The following DALRD3 variants were observed in gnomAD, a reference collection of about 807,000 sequenced individuals.
DALRD3 encodes DALR anticodon-binding domain-containing protein 3.
DALRD3 carries 47 observed loss-of-function variants against 56.7 expected under a neutral mutation model. The ratio of observed to expected loss-of-function variants is 0.83; its 90% CI spans 0.66 to 1.06. DALRD3 has a LOEUF of 1.06. Ranked by LOEUF, DALRD3 falls within the 50% of genes least tolerant of loss-of-function variation. The pLI is 0.00. For synonymous variants in DALRD3, 347 were observed against 308.5 expected (o/e 1.12, Z -1.31); for missense variants, 787 against 724.0 (o/e 1.09, Z -1.00).
At chr3:49,017,056 C>G in intron 5 of DALRD3, 172 bp downstream of exon 5, 1 of 987,128 alleles carries the variant, frequency 1.0e-6, no homozygotes, top group Non-Finnish European at 1.5e-6. Context: ...TGTCTACAGA[C>G]CCCCCTTCCC....
intron 3 of DALRD3, 42 bp from the exon 4 acceptor site, chr3:49,017,555 G>C: frequency 6.2e-7 from 1 of 1,614,162 alleles, no homozygotes; most frequent in Non-Finnish European, 8.5e-7. Context: ...ACAAGAAGCA[G>C]AGATGTGCCC....
intron 1 of DALRD3, 40 bp from the exon 2 acceptor site, chr3:49,018,358 G>T (rs985099019): frequency 6.6e-7 from 1 of 1,522,094 alleles, no homozygotes. Context: ...ACGGCACGGG[G>T]CCCATCTCCC....
chr3:49,020,840 G>T (rs568565148), upstream of DALRD3: 2 of 337,936 alleles, frequency 5.9e-6, no homozygotes, highest in East Asian at 1.6e-4. Flanking sequence ...GGAACAAGAC[G>T]CTCACCTGGG....
chr3:49,015,770 C>A (rs1379882308), intron 11 of DALRD3, 34 bp downstream of exon 11: 1 of 1,614,114 alleles, frequency 6.2e-7, no homozygotes, highest in Admixed American at 1.7e-5. Context: ...CTATACCTCT[C>A]TGCACGTCCC....
rs931981841 is a variant in DALRD3 at position 49,017,473 on chromosome 3, C to G, written c.759G>C (p.Glu253Asp). 1.2e-6 allele frequency: 2 copies of G among 1,614,008 alleles called. No individual in the cohort carries two copies. Among genetic ancestry groups the G allele is most frequent in the Non-Finnish European group, 8.5e-7 (1 of 1,180,058 alleles). The change falls in exon 4 of 12, where the codon GAG (glutamate) becomes GAC (aspartate). Residue 253 changes from glutamate (E) to aspartate (D), a missense_variant. Coordinates refer to ENST00000341949, the MANE Select transcript of DALRD3 (RefSeq NM_001009996.3). ...TGTCCTCGGGCCAATGCCATAGAGC[C>G]TCTTGCAGCTCAGCCAGCACAGAGA... is the stretch of plus-strand genomic sequence containing the variant. ...DLLSVLAELQ[E>D]ALWHWPEDSH...
chr3:49,017,097 C>G, intron 5 of DALRD3, 131 bp downstream of exon 5: 1 of 1,341,144 alleles, frequency 7.5e-7, no homozygotes, highest in Non-Finnish European at 1.0e-6. Flanking sequence ...TACATGCCCT[C>G]TCAAGTCCAG....
intron 5 of DALRD3, 111 bp downstream of exon 5, chr3:49,017,117 C>CA: frequency 6.7e-7 from 1 of 1,494,976 alleles, no homozygotes; most frequent in Non-Finnish European, 9.2e-7. Context: ...GCAACTCCCC[C>CA]AAGGTCAAGT....
At chr3:49,020,046 T>C, upstream of DALRD3, 1 of 502,696 alleles carries the variant, frequency 2.0e-6, no homozygotes, top group Non-Finnish European at 4.0e-6. Context: ...GCTAACTCAG[T>C]AGAGAGAGTT....
chr3:49,017,613 C>G lies in DALRD3; in HGVS notation c.718G>C (p.Val240Leu). The change falls in exon 3 of 12, where the codon GTG becomes CTG. Residue 240 changes from valine (V) to leucine (L), a missense_variant and splice_region_variant. By Grantham distance (32) the Val-to-Leu change is conservative. Transcript: ENST00000341949. ...GYDPNLDNCL[V>L]TEDLLSVLAE... is the part of the protein sequence containing the mutation. Reference sequence around the variant, plus strand: ...GGCCCTGCTAGGCTTCAGGTCCTACCCAGACAGTTGTCCAGGTTGGGGTCA... The same window carrying G: ...GGCCCTGCTAGGCTTCAGGTCCTACGCAGACAGTTGTCCAGGTTGGGGTCA... 6.2e-7 allele frequency: 1 copy of G among 1,614,186 alleles called. No individual in the cohort carries two copies. The highest frequency in any genetic ancestry group is 8.5e-7 in the Non-Finnish European group (1 of 1,180,016).
intron 2 of DALRD3, 77 bp from the exon 3 acceptor site, chr3:49,017,946 C>T (rs897066104): frequency 6.6e-7 from 1 of 1,518,862 alleles, no homozygotes; most frequent in Non-Finnish European, 8.8e-7. Flanking sequence ...AGCCGCAGTC[C>T]CCACGGGCGG....
At position 49,016,265 on chromosome 3, in the gene DALRD3, C is replaced by T; in HGVS notation, c.1222G>A (p.Ala408Thr). 3.1e-6 allele frequency: 5 copies of T among 1,613,964 alleles called. No homozygotes were observed. Among genetic ancestry groups the T allele is most frequent in the Non-Finnish European group, 4.2e-6 (5 of 1,179,910 alleles). Residue 408 changes from alanine (A) to threonine (T), a missense_variant, in exon 9 of 12, where the codon GCC becomes ACC. Ala to Thr is a moderately conservative substitution (Grantham distance 58). Transcript: ENST00000341949. The stretch of plus-strand genomic sequence containing the variant: ...CTCTCAAAGAGTGTGGCAAGACGGG[C>T]ACAATTATACATGACAAAGGTGCCA... ...KSGTFVMYNCARLATLFESYK... is the reference protein window; with the variant it reads ...KSGTFVMYNCTRLATLFESYK...
chr3:49,017,947 C>T lies in DALRD3; in HGVS notation c.461+76G>A, dbSNP rs577338193. On this transcript the variant is annotated intron_variant, in intron 2 of 11. Transcript: ENST00000341949. ...GACTTCCCACCTCCAGCCGCAGTCC[C>T]CACGGGCGGCGCCGCTCGCTTTCTA... 1.2e-5 allele frequency: 18 copies of T among 1,515,642 alleles called. 1 individual carries two copies. In the South Asian group the frequency reaches 1.9e-4, roughly 16 times the overall value. The allele number at this position is 1,515,642 out of a possible 1,614,324, so 93.9% of individuals were successfully genotyped here.
chr3:49,017,293 C>A lies in DALRD3; in HGVS notation c.862G>T (p.Glu288Ter). The A allele has an allele frequency of 6.2e-7, 1 of 1,614,146 alleles. No individual in the cohort carries two copies. The highest frequency in any genetic ancestry group is 8.5e-7 in the Non-Finnish European group (1 of 1,179,944). The change falls in exon 5 of 12, where the codon GAG becomes TAG. Residue 288 changes from glutamate (E) to a stop codon, truncating the protein, a stop_gained. Coordinates refer to ENST00000341949, the MANE Select transcript of DALRD3 (RefSeq NM_001009996.3). LOFTEE classifies it high-confidence loss of function. ...LVVHVVSCEE[E>*]FQQQKLDLLW... ...AGGTCCAACTTCTGTTGCTGGAACT[C>A]CTCCTCACAGCTAACAACATGTACA...
chr3:49,016,400 C>A, intron 8 of DALRD3, 29 bp downstream of exon 8: 1 of 1,608,810 alleles, frequency 6.2e-7, no homozygotes, highest in Non-Finnish European at 8.5e-7. Flanking sequence ...TGTGCCCCAA[C>A]ACTGGCCCTG....
At chr3:49,020,602 G>A (rs2093146231), upstream of DALRD3, 1 of 481,100 alleles carries the variant, frequency 2.1e-6, no homozygotes, top group Non-Finnish European at 4.3e-6. Context: ...ACCCCATCTG[G>A]GCCAGGGCGC....
chr3:49,017,649 T>G lies in DALRD3; in HGVS notation c.682A>C (p.Thr228Pro). ...LKELVEEQGR[T>P]AGYDPNLDNC... ...TCCAGGTTGGGGTCATAGCCAGCTG[T>G]GCGGCCCTGTTCTTCCACCAGCTCC... The change falls in exon 3 of 12, where the codon ACA (threonine) becomes CCA (proline). Residue 228 changes from threonine (T) to proline (P), a missense_variant. Coordinates refer to ENST00000341949, the MANE Select transcript of DALRD3 (RefSeq NM_001009996.3). 6.2e-7 allele frequency: 1 copy of G among 1,614,202 alleles called. No homozygotes were observed. Among genetic ancestry groups the G allele is most frequent in the African/African-American group, 1.3e-5 (1 of 75,066 alleles).
chr3:49,017,169 AG>A, intron 5 of DALRD3, 58 bp downstream of exon 5: 1 of 1,611,048 alleles, frequency 6.2e-7, no homozygotes, highest in Non-Finnish European at 8.5e-7. Flanking sequence ...TGGGTTTTCA[AG>A]GGCCCTCTGA....
Position 49,015,802 on chromosome 3 carries a change from A to ACC in DALRD3, c.1512_1512+1dup. The ACC allele has an allele frequency of 6.2e-7, 1 of 1,613,936 alleles. No homozygotes were observed. The highest frequency in any genetic ancestry group is 8.5e-7 in the Non-Finnish European group (1 of 1,180,002). On this transcript the variant is annotated splice_donor_variant, in intron 11 of 11. Transcript: ENST00000341949. LOFTEE classifies it high-confidence loss of function. Reference sequence around the variant, plus strand: ...TCCCACCCCATTTTGCTGTGTGCTCACCCCCAGGATGTGTACCCGGTTGTA... The same window carrying ACC: ...TCCCACCCCATTTTGCTGTGTGCTCACCCCCCCAGGATGTGTACCCGGTTGTA...
Position 49,016,465 on chromosome 3 carries a change from G to C in DALRD3, c.1110C>G (p.Ile370Met). The change falls in exon 8 of 12, where the codon ATC becomes ATG. Residue 370 changes from isoleucine to methionine, a missense_variant. By Grantham distance (10) the Ile-to-Met change is conservative. Transcript: ENST00000341949. The part of the protein sequence containing the change: ...EIFGVLSVAT[I>M]KFEMLSTAPQ... The stretch of plus-strand genomic sequence containing the variant: ...GGGCTGTGCTCAGCATCTCAAACTT[G>C]ATGGTGGCCACAGAGAGAACACCAA... 1 of 1,614,074 alleles carries C rather than the reference G, an allele frequency of 6.2e-7. No homozygotes were observed. Among genetic ancestry groups the C allele is most frequent in the Non-Finnish European group, 8.5e-7 (1 of 1,180,000 alleles).
Sources: allele counts gnomAD v4.1 joint callset, GRCh38; gene constraint gnomAD v4.1.1; transcripts MANE v1.5; gene names NCBI Gene and HGNC (gene_info 2026-07-23, HGNC 2026-07-21).